The following CCDC30 variants were observed in gnomAD, a reference collection of about 807,000 sequenced individuals.
CCDC30 encodes coiled-coil domain containing 30.
A neutral mutation model predicts 100.2 loss-of-function variants in CCDC30; 70 were observed. That is an observed-to-expected ratio of 0.70 (90% CI 0.58 to 0.85). CCDC30 has a LOEUF of 0.85. CCDC30 is among the 40% of genes least tolerant of loss of function. The pLI is 0.00. For missense variants in CCDC30, 652 were observed against 771.2 expected (o/e 0.85, Z 1.83); for synonymous variants, 233 against 269.5 (o/e 0.86, Z 1.33).
upstream of CCDC30, among the ~76,000 whole-genome samples, chr1:42,460,830 A>G (rs1209186196): frequency 2.0e-5 from 3 of 152,232 alleles, no homozygotes; most frequent in Non-Finnish European, 2.9e-5. Flanking sequence ...GAAATAGCAA[A>G]AAGAAAGCAT....
At chr1:42,636,360 T>G (rs1647155526) in intron 11 of CCDC30, among the ~76,000 whole-genome samples, 1 of 151,668 alleles carries the variant, frequency 6.6e-6, no homozygotes, top group South Asian at 2.1e-4. Context: ...GAGCCATGAT[T>G]GTACCACTGC....
At chr1:42,598,471 G>C (rs962086801) in intron 10 of CCDC30, among the ~76,000 whole-genome samples, 10 of 152,132 alleles carry the variant, frequency 6.6e-5, no homozygotes, top group African/African-American at 1.9e-4. Context: ...TTTGAGCCCA[G>C]AAGGTTGAAG....
chr1:42,465,345 TTTTTTG>T (rs1198149050), intron 1 of CCDC30, among the ~76,000 whole-genome samples: 2 of 151,990 alleles, frequency 1.3e-5, no homozygotes, highest in Non-Finnish European at 2.9e-5. Context: ...TAGGACAGTT[TTTTTTG>T]TTTTTGTTTT....
chr1:42,611,992 T>A (rs1275664213), intron 11 of CCDC30, among the ~76,000 whole-genome samples: 1 of 152,200 alleles, frequency 6.6e-6, no homozygotes, highest in Non-Finnish European at 1.5e-5. Flanking sequence ...ATGGCACACC[T>A]CTCAGTGTAA....
At chr1:42,600,831 C>T (rs1464421767) in intron 10 of CCDC30, among the ~76,000 whole-genome samples, 5 of 151,798 alleles carry the variant, frequency 3.3e-5, no homozygotes, top group Admixed American at 2.6e-4. Flanking sequence ...CTCTCTCTCA[C>T]TCTTGCTCTC....
intron 12 of CCDC30, among the ~76,000 whole-genome samples, chr1:42,639,872 A>T (rs1466054899): frequency 6.6e-6 from 1 of 151,916 alleles, no homozygotes; most frequent in East Asian, 1.9e-4. Flanking sequence ...AGGCTGAGGC[A>T]GGAGAATTGC....
At chr1:42,500,357 G>T in intron 6 of CCDC30, 1 of 1,550,280 alleles carries the variant, frequency 6.5e-7, no homozygotes, top group East Asian at 2.2e-5. Context: ...GAGGAAAAGC[G>T]GAGTGAGGTG....
chr1:42,570,352 A>G (rs750635149), intron 7 of CCDC30, among the ~76,000 whole-genome samples: 20 of 152,010 alleles, frequency 1.3e-4, no homozygotes, highest in Non-Finnish European at 5.9e-5. Context: ...AAACATTAAA[A>G]TATCACTTTT....
chr1:42,485,122 T>C (rs1230295419), intron 3 of CCDC30, among the ~76,000 whole-genome samples: 2 of 152,186 alleles, frequency 1.3e-5, no homozygotes, highest in Non-Finnish European at 2.9e-5. Context: ...TGAAATGATG[T>C]CTAGGATTTG....
At chr1:42,477,156 T>C (rs1346446793) in intron 1 of CCDC30, among the ~76,000 whole-genome samples, 1 of 152,076 alleles carries the variant, frequency 6.6e-6, no homozygotes, top group Non-Finnish European at 1.5e-5. Context: ...AGTAGGAAGG[T>C]TGTTCAAGGG....
intron 10 of CCDC30, among the ~76,000 whole-genome samples, chr1:42,605,028 CAACT>C (rs1016486321): frequency 1.1e-4 from 16 of 152,282 alleles, no homozygotes; most frequent in African/African-American, 2.9e-4. Flanking sequence ...TCATTGTCAT[CAACT>C]AACTATGACA....
intron 9 of CCDC30, among the ~76,000 whole-genome samples, chr1:42,588,354 A>G (rs950445161): frequency 6.6e-6 from 1 of 152,208 alleles, no homozygotes; most frequent in Non-Finnish European, 1.5e-5. Flanking sequence ...GTCAACTGAC[A>G]AAAGACAGAT....
At chr1:42,554,275 C>CTT (rs1286952607) in intron 6 of CCDC30, among the ~76,000 whole-genome samples, 60 of 131,198 alleles carry the variant, frequency 4.6e-4, no homozygotes, top group African/African-American at 1.1e-3. Flanking sequence ...TTTATGGCTT[C>CTT]TTTTTTTTTT....
intron 12 of CCDC30, among the ~76,000 whole-genome samples, chr1:42,641,803 C>T (rs529646322): frequency 1.4e-4 from 22 of 151,760 alleles, no homozygotes; most frequent in East Asian, 1.4e-3. Context: ...TGTAGTGAGC[C>T]GAGATATTGC....
chr1:42,550,757 T>C (rs1362855274), intron 6 of CCDC30, among the ~76,000 whole-genome samples: 4 of 152,230 alleles, frequency 2.6e-5, no homozygotes, highest in Non-Finnish European at 5.9e-5. Context: ...CCTCTAGATG[T>C]AGGCTATGTG....
At chr1:42,653,487 G>T in intron 16 of CCDC30, 44 bp downstream of exon 20, 1 of 1,276,418 alleles carries the variant, frequency 7.8e-7, no homozygotes, top group South Asian at 1.3e-5. Flanking sequence ...ATCTGAGATG[G>T]ACTGTCAGCC....
intron 11 of CCDC30, among the ~76,000 whole-genome samples, chr1:42,624,476 C>T (rs1296973380): frequency 2.6e-5 from 4 of 152,088 alleles, no homozygotes; most frequent in South Asian, 2.1e-4. Context: ...TCCATTTGCT[C>T]GGTTTTTCAT....
chr1:42,652,272 A>C (rs1648414563), intron 15 of CCDC30, among the ~76,000 whole-genome samples: 1 of 152,168 alleles, frequency 6.6e-6, no homozygotes, highest in South Asian at 2.1e-4. Context: ...ACAATTGAAC[A>C]CATGTAAGCA....
chr1:42,490,160 T>C, exon 4 of CCDC30: 1 of 1,159,418 alleles, frequency 8.6e-7, no homozygotes, highest in Non-Finnish European at 1.1e-6. Context: ...TTTTTTAGAT[T>C]CTGCACTTAA....
Sources: gnomAD v4.1 joint callset for allele counts (sites outside exome capture counted in the v4.1 genomes callset) on GRCh38, gnomAD v4.1.1 for gene constraint, MANE v1.5 for transcripts, NCBI Gene and HGNC (gene_info 2026-07-23, HGNC 2026-07-21) for gene names.